GRID1: variants seen among roughly 807,000 people sequenced by gnomAD.
The protein encoded by GRID1 is glutamate receptor ionotropic, delta-1.
GRID1 carries 28 observed loss-of-function variants against 98.0 expected under a neutral mutation model. The observed-to-expected ratio is 0.29, with a 90% CI of 0.21 to 0.39. The LOEUF is 0.39. GRID1 is among the 10% of genes least tolerant of loss of function. The probability of loss-of-function intolerance (pLI) is 1.00; values close to 1 mark genes in which losing one functional copy is unlikely to be tolerated. For synonymous variants in GRID1, 553 were observed against 538.5 expected, an observed-to-expected ratio of 1.03 and a Z score of -0.37; for missense variants, 1,111 against 1,340.5, an observed-to-expected ratio of 0.83 and a Z score of 2.67.
chr10:86,133,884 T>C (rs1844875361), intron 4 of GRID1, among the ~76,000 whole-genome samples: 1 of 152,148 alleles, frequency 6.6e-6, no homozygotes, highest in Admixed American at 6.5e-5. Context: ...CCTTGTGAAC[T>C]GGAAAGAAGG....
rs576424307 is a variant in GRID1 at position 86,329,303 on chromosome 10, A to G, written c.235+34638T>C. ...GCTGCCTCTCCCCAGCTGTCATACC[A>G]TGGGCCCTCCTCTAGGGCCCTCCAA... is the stretch of plus-strand genomic sequence containing the variant. On this transcript the variant is annotated intron_variant, in intron 2 of 15. Coordinates refer to ENST00000327946, the MANE Select transcript of GRID1 (RefSeq NM_017551.3). Among the ~76,000 whole-genome samples, 6 of 152,270 alleles carry G rather than the reference A, an allele frequency of 3.9e-5. No individual in the cohort carries two copies. In the South Asian group the frequency reaches 1.2e-3, roughly 32 times the overall value.
At chr10:86,330,477 G>T (rs1321843263) in intron 2 of GRID1, among the ~76,000 whole-genome samples, 1 of 152,144 alleles carries the variant, frequency 6.6e-6, no homozygotes, top group Non-Finnish European at 1.5e-5. Flanking sequence ...CAAGACAGAT[G>T]GCCAGGAGCA....
chr10:85,973,308 T>G (rs11201857), intron 4 of GRID1, among the ~76,000 whole-genome samples: 1 of 152,158 alleles, frequency 6.6e-6, no homozygotes, highest in South Asian at 2.1e-4. Context: ...TAAATATTTT[T>G]ACCACTTTAA....
At chr10:86,240,261 A>G (rs1846606963) in intron 2 of GRID1, among the ~76,000 whole-genome samples, 1 of 152,230 alleles carries the variant, frequency 6.6e-6, no homozygotes, top group Admixed American at 6.5e-5. Flanking sequence ...GGGAGAGGCA[A>G]GCCTGGCTGT....
intron 2 of GRID1, among the ~76,000 whole-genome samples, chr10:86,270,206 G>A (rs1198563272): frequency 1.3e-5 from 2 of 152,118 alleles, no homozygotes; most frequent in South Asian, 2.1e-4. Flanking sequence ...GCCTCCTTGA[G>A]GGCAGGGGCT....
At chr10:85,887,315 G>A (rs1381969127) in intron 5 of GRID1, among the ~76,000 whole-genome samples, 1 of 152,136 alleles carries the variant, frequency 6.6e-6, no homozygotes, top group Non-Finnish European at 1.5e-5. Context: ...TGGAAGAAGG[G>A]GCATCTTCTG....
At chr10:86,166,302 T>G (rs1029004248) in intron 3 of GRID1, among the ~76,000 whole-genome samples, 3 of 152,350 alleles carry the variant, frequency 2.0e-5, no homozygotes, top group Admixed American at 2.0e-4. Context: ...TCTACCCATC[T>G]GACAAAGGGC....
chr10:85,931,400 A>AT (rs1841848994), intron 4 of GRID1, among the ~76,000 whole-genome samples: 2 of 152,084 alleles, frequency 1.3e-5, no homozygotes, highest in African/African-American at 4.8e-5. Flanking sequence ...CCTTTTCTTT[A>AT]TTTTTTCTGT....
In GRID1 at chr10:85,873,019, T is replaced by C. The variant is rs181283013; in HGVS notation, c.781-3839A>G. ...TCTCCTTGCGTAAGTCCCAAACCTG[T>C]GTGATCAGTCAGTTCTAGAAGTTTC... On this transcript the variant is annotated intron_variant, in intron 5 of 15. Coordinates refer to ENST00000327946, the MANE Select transcript of GRID1 (RefSeq NM_017551.3). 7.2e-5 allele frequency among the ~76,000 whole-genome samples: 11 copies of C among 152,334 alleles called. No homozygotes were observed. In the East Asian group the frequency reaches 1.9e-3, roughly 27 times the overall value.
chr10:86,347,960 C>T (rs977462646), intron 2 of GRID1, among the ~76,000 whole-genome samples: 2 of 152,150 alleles, frequency 1.3e-5, no homozygotes, highest in Non-Finnish European at 2.9e-5. Context: ...GTGCGAGGCC[C>T]GGCCACCTTC....
intron 4 of GRID1, among the ~76,000 whole-genome samples, chr10:86,045,943 C>A (rs1414727206): frequency 1.3e-5 from 2 of 152,128 alleles, no homozygotes; most frequent in African/African-American, 2.4e-5. Flanking sequence ...TGGACTTCCA[C>A]TGGCCATGGA....
intron 8 of GRID1, among the ~76,000 whole-genome samples, chr10:85,807,730 G>T (rs910526492): frequency 2.6e-5 from 4 of 152,192 alleles, no homozygotes; most frequent in African/African-American, 9.6e-5. Context: ...AAAATAGTAA[G>T]GGGTGAAGAA....
At chr10:85,697,619 A>G (rs577641595) in intron 12 of GRID1, among the ~76,000 whole-genome samples, 1 of 152,306 alleles carries the variant, frequency 6.6e-6, no homozygotes, top group Non-Finnish European at 1.5e-5. Flanking sequence ...TATAACATGT[A>G]GAGAAATTTA....
At chr10:85,732,405 T>C (rs1355658471) in intron 8 of GRID1, among the ~76,000 whole-genome samples, 3 of 152,206 alleles carry the variant, frequency 2.0e-5, no homozygotes, top group African/African-American at 7.2e-5. Flanking sequence ...TGAAGGGGCA[T>C]CTTAATTCTC....
chr10:85,807,221 G>A (rs923415714), intron 8 of GRID1, among the ~76,000 whole-genome samples: 19 of 152,002 alleles, frequency 1.2e-4, no homozygotes, highest in African/African-American at 3.1e-4. Context: ...GTGGTGGCGC[G>A]CACCTGTAGT....
intron 2 of GRID1, among the ~76,000 whole-genome samples, chr10:86,237,112 G>C (rs999652873): frequency 6.6e-6 from 1 of 152,150 alleles, no homozygotes; most frequent in Non-Finnish European, 1.5e-5. Context: ...CATGAACACT[G>C]TGCCATTTCT....
intron 4 of GRID1, among the ~76,000 whole-genome samples, chr10:86,043,382 C>T (rs1843374807): frequency 6.6e-6 from 1 of 152,228 alleles, no homozygotes. Context: ...GGCAGACCTT[C>T]CTGACAGCCA....
At chr10:85,694,181 C>T (rs1841363300) in intron 12 of GRID1, among the ~76,000 whole-genome samples, 1 of 152,052 alleles carries the variant, frequency 6.6e-6, no homozygotes, top group Non-Finnish European at 1.5e-5. Context: ...AAATGCTCAA[C>T]ATCACCGATT....
intron 2 of GRID1, among the ~76,000 whole-genome samples, chr10:86,357,635 T>A (rs773356029): frequency 3.9e-5 from 6 of 152,106 alleles, no homozygotes; most frequent in Non-Finnish European, 7.4e-5. Context: ...TATGCATGCA[T>A]GTGTGTGTGT....
Sources: gnomAD v4.1 joint callset for allele counts (sites outside exome capture counted in the v4.1 genomes callset) on GRCh38, gnomAD v4.1.1 for gene constraint, MANE v1.5 for transcripts, NCBI Gene and HGNC (gene_info 2026-07-23, HGNC 2026-07-21) for gene names.